SNIP1: variants seen among roughly 807,000 people sequenced by gnomAD.
SNIP1 encodes smad nuclear-interacting protein 1.
A neutral mutation model predicts 37.4 loss-of-function variants in SNIP1; 23 were observed. That is an observed-to-expected ratio of 0.61 (90% CI 0.44 to 0.87). The LOEUF (loss-of-function observed/expected upper bound fraction) is 0.87, where lower values mean the gene tolerates loss of function less well. Among genes scored for constraint, SNIP1 ranks in the 40% least tolerant of loss-of-function variants. The pLI is 0.00. For synonymous variants in SNIP1, 174 were observed against 200.0 expected (o/e 0.87, Z 1.10); for missense variants, 459 against 540.4 (o/e 0.85, Z 1.49).
chr1:37,544,752 T>C (rs1192793422), intron 2 of SNIP1: 10 of 687,040 alleles, frequency 1.5e-5, no homozygotes, highest in Non-Finnish European at 2.4e-5. Flanking sequence ...ACAGCCACCG[T>C]GGCCACCACC....
intron 2 of SNIP1, chr1:37,544,861 G>T (rs959112100): frequency 2.3e-6 from 2 of 884,216 alleles, no homozygotes; most frequent in African/African-American, 3.3e-5. Context: ...ACCTGTCCAT[G>T]TCTTACTACT....
chr1:37,542,501 G>A (rs1643186737), intron 2 of SNIP1, among the ~76,000 whole-genome samples: 1 of 152,232 alleles, frequency 6.6e-6, no homozygotes, highest in South Asian at 2.1e-4. Flanking sequence ...AGCACTTTGG[G>A]AGGCCAAGGC....
intron 2 of SNIP1, among the ~76,000 whole-genome samples, chr1:37,547,730 CCAAA>C (rs1035228024): frequency 2.7e-5 from 4 of 149,822 alleles, no homozygotes; most frequent in Admixed American, 1.3e-4. Context: ...CAACACTTCA[CCAAA>C]CAAACAACAA....
intron 2 of SNIP1, among the ~76,000 whole-genome samples, chr1:37,551,106 C>A (rs1643296929): frequency 7.0e-6 from 1 of 143,558 alleles, no homozygotes; most frequent in African/African-American, 2.6e-5. Context: ...CACACACACA[C>A]TGACACACAA....
rs561818279 is a variant in SNIP1, at chr1:37,544,882, T to C, written c.328-4127A>G. ...CCATGTCTTACTACTTTGACCACAA[T>C]GATGTGGCTTTGAAGAACTTTGCCA... is the stretch of plus-strand genomic sequence containing the variant. On this transcript the variant is annotated intron_variant, in intron 2 of 3. Coordinates refer to ENST00000296215, the MANE Select transcript of SNIP1 (RefSeq NM_024700.4). 3.0e-5 allele frequency: 30 copies of C among 1,011,722 alleles called. No individual in the cohort carries two copies. The East Asian group carries it at 6.4e-4, about 22-fold the overall frequency. The allele number at this position is 1,011,722 out of a possible 1,614,324, so 62.7% of individuals were successfully genotyped here.
At chr1:37,539,403 C>G (rs1643140942) in intron 3 of SNIP1, among the ~76,000 whole-genome samples, 1 of 152,140 alleles carries the variant, frequency 6.6e-6, no homozygotes, top group East Asian at 1.9e-4. Context: ...GTCAGGAGAC[C>G]ATGTTAAAAA....
Position 37,554,045 on chromosome 1 carries a change from C to A in SNIP1, c.185G>T (p.Arg62Leu), listed in dbSNP as rs1334809721. The change falls in exon 1 of 4, where the codon CGC becomes CTC. Residue 62 changes from arginine to leucine, a missense_variant. Coordinates refer to ENST00000296215, the MANE Select transcript of SNIP1 (RefSeq NM_024700.4). The stretch of plus-strand genomic sequence containing the variant: ...GGCTCGGTTCCCGCGGTGGCCCGAG[C>A]GGGCCGGCTCGCTGGTCGGCGGAGA... ...SPSPPTSEPARSGHRGNRARG... is the reference protein window; with the variant it reads ...SPSPPTSEPALSGHRGNRARG... 22 of 1,583,638 alleles carry A rather than the reference C, an allele frequency of 1.4e-5. No homozygotes were observed. Among genetic ancestry groups the A allele is most frequent in the Non-Finnish European group, 1.9e-5 (22 of 1,165,902 alleles).
chr1:37,537,028 C>A lies in SNIP1; in HGVS notation c.*720G>T, dbSNP rs1395957087. 2 of 152,326 alleles carry A rather than the reference C, an allele frequency of 1.3e-5. No individual in the cohort carries two copies. Among genetic ancestry groups the A allele is most frequent in the African/African-American group, 4.8e-5 (2 of 41,572 alleles). The allele number at this position is 152,326 out of a possible 1,614,324, so 9.4% of individuals were successfully genotyped here. ...TCCATGGAGAAATCAGGAATTCTTTCACAAAGAACAGATCCACAGCCAATT... is the reference window on the plus strand; with the variant it reads ...TCCATGGAGAAATCAGGAATTCTTTAACAAAGAACAGATCCACAGCCAATT... On this transcript the variant is annotated 3_prime_UTR_variant, in exon 4 of 4. Transcript: ENST00000296215.
intron 2 of SNIP1, among the ~76,000 whole-genome samples, chr1:37,551,787 A>C (rs1021771522): frequency 6.6e-6 from 1 of 152,192 alleles, no homozygotes; most frequent in Admixed American, 6.5e-5. Context: ...TGGTGGCCCT[A>C]GGTAAACTAA....
intron 2 of SNIP1, among the ~76,000 whole-genome samples, chr1:37,548,067 G>A (rs538642602): frequency 6.7e-6 from 1 of 149,162 alleles, no homozygotes; most frequent in Non-Finnish European, 1.5e-5. Context: ...CAGGAGAATG[G>A]CGTGAACCCC....
intron 3 of SNIP1, among the ~76,000 whole-genome samples, chr1:37,539,384 C>T (rs559711279): frequency 3.0e-4 from 45 of 152,182 alleles, no homozygotes; most frequent in Middle Eastern, 3.4e-3. Flanking sequence ...AAATACGTGT[C>T]CATTCGAAGT....
At position 37,537,707 on chromosome 1, in the gene SNIP1, A is replaced by G; in HGVS notation, c.*41T>C. On this transcript the variant is annotated 3_prime_UTR_variant, in exon 4 of 4. Transcript: ENST00000296215. ...CTCTCTGAGTCAATCAAAGACTTCCAAGAAGGAAACCGTGTATCAATAGTT... is the reference window on the plus strand; with the variant it reads ...CTCTCTGAGTCAATCAAAGACTTCCGAGAAGGAAACCGTGTATCAATAGTT... 1 of 1,585,394 alleles carries G rather than the reference A, an allele frequency of 6.3e-7. No individual in the cohort carries two copies. The highest frequency in any genetic ancestry group is 8.6e-7 in the Non-Finnish European group (1 of 1,165,840).
chr1:37,549,803 C>T (rs910897701), intron 2 of SNIP1, among the ~76,000 whole-genome samples: 10 of 152,080 alleles, frequency 6.6e-5, no homozygotes, highest in Admixed American at 1.3e-4. Context: ...ATAAAGAAGA[C>T]TACAATGGGA....
chr1:37,551,205 G>A (rs1643298207), intron 2 of SNIP1, among the ~76,000 whole-genome samples: 2 of 151,500 alleles, frequency 1.3e-5, no homozygotes, highest in African/African-American at 4.9e-5. Flanking sequence ...AGAAGGCGGA[G>A]GTCGCAGTGA....
chr1:37,554,097 G>A lies in SNIP1; in HGVS notation c.133C>T (p.Arg45Cys), dbSNP rs1462607966. 5.0e-6 allele frequency: 8 copies of A among 1,610,806 alleles called. No individual in the cohort carries two copies. The highest frequency in any genetic ancestry group is 6.8e-6 in the Non-Finnish European group (8 of 1,178,922). The change falls in exon 1 of 4, where the codon CGT becomes TGT. Residue 45 changes from arginine to cysteine, a missense_variant. Coordinates refer to ENST00000296215, the MANE Select transcript of SNIP1 (RefSeq NM_024700.4). ...SPEVAPPAHR[R>C]PDHSGGSPSP... ...GGGCTACCACCGGAGTGGTCCGGAC[G>A]GCGGTGGGCGGGAGGTGCGACTTCT...
Position 37,540,733 on chromosome 1 carries a change from C to T in SNIP1, c.350G>A (p.Arg117Lys), listed in dbSNP as rs202019009. ...VKQEREDHPRRGREDRQHREP... is the reference protein window; with the variant it reads ...VKQEREDHPRKGREDRQHREP... ...CCTGTGCTGCCGATCCTCCCGTCCT[C>T]TCCGGGGATGATCCTCACGCTCCTA... Residue 117 changes from arginine (R) to lysine (K), a missense_variant, in exon 3 of 4, where the codon AGA (arginine) becomes AAA (lysine). Coordinates refer to ENST00000296215, the MANE Select transcript of SNIP1 (RefSeq NM_024700.4). This position sits in a 1 kb window ranked among gnomAD's most constrained non-coding sequence, Gnocchi z 5.6. 1 of 1,603,950 alleles carries T rather than the reference C, an allele frequency of 6.2e-7. No homozygotes were observed. Among genetic ancestry groups the T allele is most frequent in the Non-Finnish European group, 8.5e-7 (1 of 1,173,462 alleles).
chr1:37,545,922 AC>A (rs1464317476), intron 2 of SNIP1, among the ~76,000 whole-genome samples: 1 of 152,162 alleles, frequency 6.6e-6, no homozygotes, highest in African/African-American at 2.4e-5. Flanking sequence ...AAAAATCAGA[AC>A]CCTTGTACAC....
intron 2 of SNIP1, among the ~76,000 whole-genome samples, chr1:37,548,588 G>A (rs1454546122): frequency 6.6e-6 from 1 of 151,858 alleles, no homozygotes; most frequent in Admixed American, 6.6e-5. Flanking sequence ...GGGATTACAG[G>A]CATGAGCCAC....
chr1:37,542,317 C>G (rs1643184410), intron 2 of SNIP1, among the ~76,000 whole-genome samples: 1 of 152,144 alleles, frequency 6.6e-6, no homozygotes, highest in African/African-American at 2.4e-5. Flanking sequence ...GGATAGTGAC[C>G]AATTTAAATT....
Sources: gnomAD v4.1 joint callset for allele counts (sites outside exome capture counted in the v4.1 genomes callset) on GRCh38, gnomAD v4.1.1 for gene constraint, Gnocchi (gnomAD v3.1) non-coding constraint, MANE v1.5 for transcripts, NCBI Gene and HGNC (gene_info 2026-07-23, HGNC 2026-07-21) for gene names.